Variants in DRC9 observed in about 807,000 individuals in gnomAD.
The protein encoded by DRC9 is dynein regulatory complex protein 9.
the DRC9 span, among the ~76,000 whole-genome samples, chr3:197,927,007 C>T: frequency 1.3e-5 from 2 of 152,188 alleles, no homozygotes; most frequent in Non-Finnish European, 2.9e-5. Context: ...TCAGGACTGT[C>T]GGACACCGGA....
At chr3:197,897,819 T>A in the DRC9 span, among the ~76,000 whole-genome samples, 2 of 148,914 alleles carry the variant, frequency 1.3e-5, no homozygotes, top group Non-Finnish European at 3.0e-5. Context: ...TCGCCCAGGC[T>A]GGAGTGCGGT....
At chr3:197,953,527 C>T in the DRC9 span, 2 of 457,228 alleles carry the variant, frequency 4.4e-6, no homozygotes, top group African/African-American at 2.0e-5. Flanking sequence ...TTTCTTCCGG[C>T]CAGGACACAC....
the DRC9 span, chr3:197,951,106 C>T: frequency 6.2e-7 from 1 of 1,611,940 alleles, no homozygotes; most frequent in Non-Finnish European, 8.5e-7. Context: ...GATTACAAGT[C>T]AGATTGGTTT....
the DRC9 span, chr3:197,952,478 T>C: frequency 2.6e-5 from 4 of 152,016 alleles, no homozygotes; most frequent in African/African-American, 4.8e-5. Context: ...CCTTGTTTTT[T>C]CTTTTCTTTC....
the DRC9 span, chr3:197,951,125 TTATG>T: frequency 1.9e-6 from 3 of 1,613,874 alleles, no homozygotes; most frequent in Non-Finnish European, 2.5e-6. Flanking sequence ...TTTTTGAAGC[TTATG>T]TTTCATGTTG....
chr3:197,956,230 A>C, the DRC9 span: 9 of 192,446 alleles, frequency 4.7e-5, no homozygotes, highest in Non-Finnish European at 9.9e-5. Flanking sequence ...GCTGGGATAC[A>C]GTTATGAGCC....
At chr3:197,890,809 G>A in the DRC9 span, among the ~76,000 whole-genome samples, 2 of 152,182 alleles carry the variant, frequency 1.3e-5, no homozygotes, top group African/African-American at 4.8e-5. Context: ...CCAGAATGTG[G>A]TATAAAACTT....
chr3:197,950,257 A>G, the DRC9 span: 1 of 1,230,400 alleles, frequency 8.1e-7, no homozygotes, highest in Admixed American at 4.2e-5. Flanking sequence ...TTTGGGGGCA[A>G]ATAACCGGAG....
the DRC9 span, among the ~76,000 whole-genome samples, chr3:197,914,346 G>C: frequency 2.5e-4 from 38 of 152,292 alleles, 1 homozygote; most frequent in East Asian, 7.1e-3. Context: ...TGGTCAAAAT[G>C]ATCAAAAGAA....
At chr3:197,943,731 G>A in the DRC9 span, 6 of 1,516,654 alleles carry the variant, frequency 4.0e-6, no homozygotes, top group Admixed American at 3.6e-5. Flanking sequence ...AAATGAGGGA[G>A]AAATAAAAAA....
At chr3:197,932,080 A>G in the DRC9 span, 2 of 1,350,638 alleles carry the variant, frequency 1.5e-6, no homozygotes, top group African/African-American at 2.9e-5. Context: ...TGGAAAGCAC[A>G]CGGTTGGTTT....
the DRC9 span, among the ~76,000 whole-genome samples, chr3:197,948,324 G>T: frequency 6.6e-6 from 1 of 152,194 alleles, no homozygotes; most frequent in South Asian, 2.1e-4. Context: ...TTGTCCAAGT[G>T]ATCCTTTCGC....
the DRC9 span, chr3:197,951,352 T>C: frequency 6.2e-7 from 1 of 1,602,566 alleles, no homozygotes; most frequent in Non-Finnish European, 8.5e-7. Context: ...TTTTGAGATC[T>C]GCCTCATTTT....
chr3:197,960,141 C>T, the DRC9 span: 38 of 1,247,650 alleles, frequency 3.0e-5, no homozygotes, highest in Non-Finnish European at 4.2e-5. Context: ...TCGGAAAGCG[C>T]CTTTCCGCCG....
the DRC9 span, among the ~76,000 whole-genome samples, chr3:197,915,901 T>A: frequency 6.6e-6 from 1 of 152,348 alleles, no homozygotes; most frequent in South Asian, 2.1e-4. Context: ...AGTGCTGGGA[T>A]TACAGGCGTG....
the DRC9 span, among the ~76,000 whole-genome samples, chr3:197,935,784 G>A: frequency 6.6e-6 from 1 of 151,922 alleles, no homozygotes; most frequent in African/African-American, 2.4e-5. Flanking sequence ...CCTGCAGCCA[G>A]GAAAGTAACT....
the DRC9 span, among the ~76,000 whole-genome samples, chr3:197,944,885 G>A: frequency 6.6e-6 from 1 of 152,178 alleles, no homozygotes; most frequent in Non-Finnish European, 1.5e-5. Context: ...CTGGCCTACT[G>A]TTTAATAAAG....
At chr3:197,893,560 A>G in the DRC9 span, among the ~76,000 whole-genome samples, 1 of 148,752 alleles carries the variant, frequency 6.7e-6, no homozygotes, top group Non-Finnish European at 1.5e-5. Flanking sequence ...AAATGAATGT[A>G]GGGCCGGGCG....
chr3:197,938,464 CG>C, the DRC9 span: 4 of 921,008 alleles, frequency 4.3e-6, no homozygotes, highest in African/African-American at 3.3e-5. Flanking sequence ...AACCTGTAGA[CG>C]ATAGCAGTCA....
Sources: allele counts gnomAD v4.1 joint callset (sites outside exome capture counted in the v4.1 genomes callset), GRCh38; gene constraint gnomAD v4.1.1; transcripts MANE v1.5; gene names NCBI Gene and HGNC (gene_info 2026-07-23, HGNC 2026-07-21).